SSH1: variants seen among roughly 807,000 people sequenced by gnomAD.
SSH1 encodes slingshot protein phosphatase 1.
A neutral mutation model predicts 79.7 loss-of-function variants in SSH1; 43 were observed. The observed-to-expected ratio is 0.54, with a 90% CI of 0.42 to 0.70. The LOEUF is 0.70. Ranked by LOEUF, SSH1 falls within the 30% of genes least tolerant of loss-of-function variation. SSH1 has a pLI of 0.00. For missense variants in SSH1, 1,206 were observed against 1,358.8 expected (o/e 0.89, Z 1.77); for synonymous variants, 599 against 538.3 (o/e 1.11, Z -1.56).
chr12:108,806,721 G>A (rs1480213810), intron 8 of SSH1, among the ~76,000 whole-genome samples: 6 of 152,190 alleles, frequency 3.9e-5, no homozygotes, highest in Admixed American at 6.5e-5. Context: ...GTCTCTGCTC[G>A]AACACGTGTG....
chr12:108,825,747 C>A (rs963149672), intron 2 of SSH1, among the ~76,000 whole-genome samples: 6 of 152,150 alleles, frequency 3.9e-5, no homozygotes, highest in Admixed American at 2.0e-4. Context: ...ACGAAAGAAA[C>A]GAGAAGCAGC....
rs2036523119 is a variant in SSH1, at chr12:108,792,012, G to A, written c.1893+274C>T. ...CCCAGGGTATGAATAAGGTACATGGGGTGAAGATGGTGTGCAGAGATATGT... is the reference window on the plus strand; with the variant it reads ...CCCAGGGTATGAATAAGGTACATGGAGTGAAGATGGTGTGCAGAGATATGT... On this transcript the variant is annotated intron_variant, in intron 14 of 14. Coordinates refer to ENST00000326495, the MANE Select transcript of SSH1 (RefSeq NM_018984.4). 3 of 1,406,748 alleles carry A rather than the reference G, an allele frequency of 2.1e-6. No homozygotes were observed. In the South Asian group the frequency reaches 5.6e-5, roughly 26 times the overall value. The allele number at this position is 1,406,748 out of a possible 1,614,324, so 87.1% of individuals were successfully genotyped here.
At chr12:108,804,303 A>G (rs1202364521) in intron 10 of SSH1, among the ~76,000 whole-genome samples, 1 of 152,264 alleles carries the variant, frequency 6.6e-6, no homozygotes, top group Non-Finnish European at 1.5e-5. Context: ...TCCAAGTCAC[A>G]TAGCCGCTGA....
In SSH1 at chr12:108,783,144, G is replaced by A. The variant is rs910051462; in HGVS notation, c.*4844C>T. Reference sequence around the variant, plus strand: ...GGCTGCCTGGCCTGCGCCACCCCACGGCTGGCTAGCAGACCAAGCTACGTT... The same window carrying A: ...GGCTGCCTGGCCTGCGCCACCCCACAGCTGGCTAGCAGACCAAGCTACGTT... On this transcript the variant is annotated 3_prime_UTR_variant, in exon 15 of 15. Transcript: ENST00000326495. The A allele has an allele frequency of 1.3e-5, 2 of 152,298 alleles. No homozygotes were observed. Among genetic ancestry groups the A allele is most frequent in the East Asian group, 1.9e-4 (1 of 5,186 alleles). 9.4% of individuals were successfully genotyped at this position (152,298 alleles called of 1,614,324 possible).
chr12:108,799,913 A>C (rs1336872807), intron 12 of SSH1, among the ~76,000 whole-genome samples: 1 of 152,212 alleles, frequency 6.6e-6, no homozygotes, highest in Non-Finnish European at 1.5e-5. Context: ...AGCACCTGCG[A>C]AACTTTATTT....
In SSH1 at chr12:108,807,849, G is replaced by T. The variant is rs1428278315; in HGVS notation, c.537-22C>A. ...AGACCTGGGGCGAGGAGAAGACAGG[G>T]TCAGGCCTGGGAAGGCACAAGAGAT... is the stretch of plus-strand genomic sequence containing the variant. On this transcript the variant is annotated intron_variant, in intron 7 of 14. Transcript: ENST00000326495. The surrounding 1 kb of genome is among the most constrained non-coding windows in gnomAD (Gnocchi z 5.2). 6.2e-7 allele frequency: 1 copy of T among 1,612,674 alleles called. No individual in the cohort carries two copies.
chr12:108,820,746 G>C (rs560309369), intron 3 of SSH1, among the ~76,000 whole-genome samples: 4 of 152,318 alleles, frequency 2.6e-5, no homozygotes, highest in South Asian at 2.1e-4. Context: ...GTGGTTACTG[G>C]GGGGCCTCTG....
In SSH1 at chr12:108,778,772, A is replaced by G. The variant is rs776404809; in HGVS notation, c.*9216T>C. ...ACCACCACCACCACCACCACAATGT[A>G]CCATTTGTGGGATAATTTGTCTTTT... is the stretch of plus-strand genomic sequence containing the variant. On this transcript the variant is annotated 3_prime_UTR_variant, in exon 15 of 15. Coordinates refer to ENST00000326495, the MANE Select transcript of SSH1 (RefSeq NM_018984.4). The G allele has an allele frequency of 3.3e-5, 5 of 153,328 alleles. No homozygotes were observed. The highest frequency in any genetic ancestry group is 5.9e-5 in the Non-Finnish European group (4 of 68,224). The allele number at this position is 153,328 out of a possible 1,614,324, so 9.5% of individuals were successfully genotyped here. A position where few individuals can be genotyped will look rare whatever the true frequency, so the allele number is the denominator to read the frequency against.
At chr12:108,797,040 C>G (rs2036781635) in intron 13 of SSH1, among the ~76,000 whole-genome samples, 1 of 152,146 alleles carries the variant, frequency 6.6e-6, no homozygotes. Context: ...CAATGCCTGG[C>G]CCCTAATTTT....
intron 2 of SSH1, among the ~76,000 whole-genome samples, chr12:108,828,256 C>T (rs17040988): frequency 0.23 from 35,084 of 152,012 alleles, 4,957 homozygotes; most frequent in South Asian, 0.43. Context: ...AGTGACCAAG[C>T]GATCCTCCCT....
In SSH1 at chr12:108,784,953, G is replaced by A. The variant is rs571717875; in HGVS notation, c.*3035C>T. 4 of 152,344 alleles carry A rather than the reference G, an allele frequency of 2.6e-5. No homozygotes were observed. The highest frequency in any genetic ancestry group is 4.1e-4 in the South Asian group (2 of 4,826). 9.4% of individuals were successfully genotyped at this position (152,344 alleles called of 1,614,324 possible). A position where few individuals can be genotyped will look rare whatever the true frequency, so the allele number is the denominator to read the frequency against. On this transcript the variant is annotated 3_prime_UTR_variant, in exon 15 of 15. Transcript: ENST00000326495. ...CCTCCTCTGCCTGCCTCTTTCCTGT[G>A]CCACTTATGTTTGGAATTTTCCCCA...
Position 108,785,995 on chromosome 12 carries a change from AATGT to A in SSH1, c.*1989_*1992del, listed in dbSNP as rs1240264428. 1 of 152,170 alleles carries A rather than the reference AATGT, an allele frequency of 6.6e-6. No homozygotes were observed. Among genetic ancestry groups the A allele is most frequent in the African/African-American group, 2.4e-5 (1 of 41,450 alleles). 9.4% of individuals were successfully genotyped at this position (152,170 alleles called of 1,614,324 possible). Reference sequence around the variant, plus strand: ...GTGGGAAAACAGCTCCCTATAAAGTAATGTATGTATTTTTAAAAATCACTCCAAG... The same window carrying A: ...GTGGGAAAACAGCTCCCTATAAAGTAATGTATTTTTAAAAATCACTCCAAG... On this transcript the variant is annotated 3_prime_UTR_variant, in exon 15 of 15. Coordinates refer to ENST00000326495, the MANE Select transcript of SSH1 (RefSeq NM_018984.4).
intron 2 of SSH1, chr12:108,825,997 T>C (rs2038294717): frequency 2.5e-6 from 1 of 402,168 alleles, no homozygotes; most frequent in South Asian, 1.8e-5. Context: ...TCCAAACTCA[T>C]GAAACCTAAA....
rs1173755556 is a variant in SSH1 at position 108,782,256 on chromosome 12, T to C, written c.*5732A>G. 6.6e-6 allele frequency: 1 copy of C among 151,968 alleles called. No individual in the cohort carries two copies. Among genetic ancestry groups the C allele is most frequent in the African/African-American group, 2.4e-5 (1 of 41,336 alleles). 9.4% of individuals were successfully genotyped at this position (151,968 alleles called of 1,614,324 possible). ...GTGGACTGGGACATGAGCATGCACC[T>C]TGGAAACCAGCAGTACTTAGCCTCC... On this transcript the variant is annotated 3_prime_UTR_variant, in exon 15 of 15. Coordinates refer to ENST00000326495, the MANE Select transcript of SSH1 (RefSeq NM_018984.4).
At position 108,788,294 on chromosome 12, in the gene SSH1, G is replaced by A. The variant is rs370609677; in HGVS notation, c.2844C>T (p.Pro948=). 7.1e-5 allele frequency: 115 copies of A among 1,613,568 alleles called. No homozygotes were observed. The highest frequency in any genetic ancestry group is 6.7e-5 in the Admixed American group (4 of 60,014). Residue 948 remains proline (P), a synonymous_variant, in exon 15 of 15, where the codon CCC becomes CCT. Transcript: ENST00000326495. ...CCTGTGTCCGCTGCTTCACCAGCCC[G>A]GGCTTCCCACGGACACTGTGGATGC... ...SDSIHSVRGK[P]GLVKQRTQEI...
At chr12:108,809,863 A>G in intron 6 of SSH1, 105 bp from the exon 7 acceptor site, 2 of 942,638 alleles carry the variant, frequency 2.1e-6, no homozygotes, top group Non-Finnish European at 3.5e-6. Context: ...CGCTGGGAAC[A>G]AGCACATCTC....
intron 9 of SSH1, 103 bp from the exon 10 acceptor site, chr12:108,805,287 A>G: frequency 7.4e-7 from 1 of 1,358,050 alleles, no homozygotes; most frequent in Non-Finnish European, 1.0e-6. Context: ...TTTCCAAAAA[A>G]GGTGGGTGTT....
Position 108,797,312 on chromosome 12 carries a change from T to G in SSH1, c.1349+1688A>C, listed in dbSNP as rs570328300. On this transcript the variant is annotated intron_variant, in intron 13 of 14. Transcript: ENST00000326495. ...GGGCTTTTTTTTTTTGTACTTCTAGTAGAGACAGGGTCTCAGCATGTTGCC... is the reference window on the plus strand; with the variant it reads ...GGGCTTTTTTTTTTTGTACTTCTAGGAGAGACAGGGTCTCAGCATGTTGCC... 2.1e-3 allele frequency among the ~76,000 whole-genome samples: 316 copies of G among 151,730 alleles called. 2 individuals are homozygous for G. Among genetic ancestry groups the G allele is most frequent in the African/African-American group, 7.4e-3 (306 of 41,356 alleles).
chr12:108,804,453 A>G (rs1479873332), intron 10 of SSH1, among the ~76,000 whole-genome samples: 1 of 152,202 alleles, frequency 6.6e-6, no homozygotes, highest in Non-Finnish European at 1.5e-5. Flanking sequence ...GGATATTCAC[A>G]GCATTAAAAC....
Sources: gnomAD v4.1 joint callset for allele counts (sites outside exome capture counted in the v4.1 genomes callset) on GRCh38, gnomAD v4.1.1 for gene constraint, Gnocchi (gnomAD v3.1) non-coding constraint, MANE v1.5 for transcripts, NCBI Gene and HGNC (gene_info 2026-07-23, HGNC 2026-07-21) for gene names.